The following DTNB variants were observed in gnomAD, a reference collection of about 807,000 sequenced individuals.
The protein encoded by DTNB is DTN-B.
A neutral mutation model predicts 90.7 loss-of-function variants in DTNB; 63 were observed. The observed-to-expected ratio is 0.69, with a 90% CI of 0.57 to 0.86. The LOEUF is 0.86. Ranked by LOEUF, DTNB falls within the 40% of genes least tolerant of loss-of-function variation. The pLI is 0.00. For synonymous variants in DTNB, 277 were observed against 286.7 expected, an observed-to-expected ratio of 0.97 and a Z score of 0.34; for missense variants, 744 against 807.1, an observed-to-expected ratio of 0.92 and a Z score of 0.95.
intron 4 of DTNB, among the ~76,000 whole-genome samples, chr2:25,619,165 G>A (rs751910228): frequency 5.3e-5 from 8 of 152,156 alleles, no homozygotes; most frequent in African/African-American, 1.2e-4. Flanking sequence ...ACAAGACTAC[G>A]GGTAGTATTT....
chr2:25,390,008 T>G (rs981397900), intron 16 of DTNB, among the ~76,000 whole-genome samples: 1 of 152,276 alleles, frequency 6.6e-6, no homozygotes, highest in South Asian at 2.1e-4. Context: ...GCAGAAAAAT[T>G]TGCAATATTT....
intron 11 of DTNB, among the ~76,000 whole-genome samples, chr2:25,452,900 C>T (rs2059488682): frequency 6.6e-6 from 1 of 151,952 alleles, no homozygotes; most frequent in South Asian, 2.1e-4. Flanking sequence ...GATGATCACC[C>T]TCTCAAAAAT....
At chr2:25,640,823 G>A (rs1454792413) in intron 2 of DTNB, among the ~76,000 whole-genome samples, 2 of 151,988 alleles carry the variant, frequency 1.3e-5, no homozygotes, top group Non-Finnish European at 2.9e-5. Flanking sequence ...TGACTAACAT[G>A]GTGAAACCCC....
At chr2:25,633,031 T>C (rs554719337) in intron 3 of DTNB, among the ~76,000 whole-genome samples, 1 of 152,310 alleles carries the variant, frequency 6.6e-6, no homozygotes, top group African/African-American at 2.4e-5. Context: ...AACAAAACTA[T>C]GTACATAGAA....
intron 4 of DTNB, among the ~76,000 whole-genome samples, chr2:25,627,736 CTTTTTTT>C (rs569673438): frequency 2.2e-5 from 3 of 136,094 alleles, no homozygotes; most frequent in African/African-American, 8.1e-5. Flanking sequence ...AATAATTTTC[CTTTTTTT>C]TTTTTTTTTT....
chr2:25,464,418 C>A (rs915447943), intron 10 of DTNB, among the ~76,000 whole-genome samples: 4 of 152,160 alleles, frequency 2.6e-5, no homozygotes, highest in African/African-American at 7.2e-5. Flanking sequence ...AGAGTTGGAA[C>A]AATTTGAGCA....
intron 9 of DTNB, among the ~76,000 whole-genome samples, chr2:25,505,853 A>G (rs1349739308): frequency 6.6e-6 from 1 of 152,250 alleles, no homozygotes; most frequent in Non-Finnish European, 1.5e-5. Context: ...GTTCTGAGTC[A>G]GCACACAGTT....
rs374371573 is a variant in DTNB at position 25,493,424 on chromosome 2, T to G, written c.1002-10551A>C. Among the ~76,000 whole-genome samples the G allele has an allele frequency of 1.7e-3, 254 of 152,302 alleles. 2 individuals carry two copies. Among genetic ancestry groups the G allele is most frequent in the African/African-American group, 5.7e-3 (238 of 41,570 alleles). On this transcript the variant is annotated intron_variant, in intron 9 of 20. Transcript: ENST00000406818. ...ATGATGCAGCAGATTTCACCATACTTTAAAACAAATGTAAAACCCACCCTA... is the reference window on the plus strand; with the variant it reads ...ATGATGCAGCAGATTTCACCATACTGTAAAACAAATGTAAAACCCACCCTA...
At position 25,577,785 on chromosome 2, in the gene DTNB, G is replaced by A. The variant is rs190174686; in HGVS notation, c.710-781C>T. On this transcript the variant is annotated intron_variant, in intron 7 of 20. Coordinates refer to ENST00000406818, the MANE Select transcript of DTNB (RefSeq NM_021907.5). ...TGGGAGGCCGAGGCGGGCAGATCAC[G>A]AGGTCAGGAGTTCGAGACCAGCCTG... is the stretch of plus-strand genomic sequence containing the variant. Among the ~76,000 whole-genome samples, 71 of 152,176 alleles carry A rather than the reference G, an allele frequency of 4.7e-4. No individual in the cohort carries two copies. In the East Asian group the frequency reaches 0.011, roughly 23 times the overall value.
chr2:25,601,998 T>C (rs1342908031), intron 5 of DTNB, among the ~76,000 whole-genome samples: 1 of 152,134 alleles, frequency 6.6e-6, no homozygotes, highest in Non-Finnish European at 1.5e-5. Flanking sequence ...GGCACACGCC[T>C]GTAGTCCCAG....
chr2:25,557,805 G>A (rs1474054768), intron 8 of DTNB, among the ~76,000 whole-genome samples: 1 of 152,204 alleles, frequency 6.6e-6, no homozygotes, highest in Admixed American at 6.5e-5. Flanking sequence ...TGATTCAGTT[G>A]CTGCTTCCTA....
chr2:25,398,664 C>T (rs956461434), intron 16 of DTNB, among the ~76,000 whole-genome samples: 2 of 152,176 alleles, frequency 1.3e-5, no homozygotes, highest in African/African-American at 4.8e-5. Context: ...GTGGGCCCAT[C>T]CACACTTGAC....
chr2:25,471,877 T>C (rs2062875758), intron 10 of DTNB, among the ~76,000 whole-genome samples: 1 of 151,774 alleles, frequency 6.6e-6, no homozygotes. Flanking sequence ...AAAATTCTAG[T>C]AATCGGTTAA....
chr2:25,609,024 G>C (rs2148527002), intron 4 of DTNB, among the ~76,000 whole-genome samples: 1 of 152,292 alleles, frequency 6.6e-6, no homozygotes, highest in Non-Finnish European at 1.5e-5. Context: ...AGCATCAGTG[G>C]TGTTTGGAGC....
At chr2:25,614,878 A>G (rs1559242271) in intron 4 of DTNB, among the ~76,000 whole-genome samples, 2 of 152,242 alleles carry the variant, frequency 1.3e-5, no homozygotes, top group South Asian at 2.1e-4. Flanking sequence ...TCTCCAGCAG[A>G]TAACAGCTGG....
chr2:25,462,457 A>G (rs995560266), intron 10 of DTNB, among the ~76,000 whole-genome samples: 1 of 152,134 alleles, frequency 6.6e-6, no homozygotes, highest in Non-Finnish European at 1.5e-5. Context: ...GAATACAGCA[A>G]TTGAGAGCAT....
At chr2:25,533,971 T>TA (rs200591467) in intron 8 of DTNB, among the ~76,000 whole-genome samples, 46 of 149,896 alleles carry the variant, frequency 3.1e-4, no homozygotes, top group African/African-American at 1.0e-3. Flanking sequence ...TTTATTTATT[T>TA]TTTGGAAATG....
chr2:25,524,858 C>G (rs185198626), intron 9 of DTNB, among the ~76,000 whole-genome samples: 198 of 152,284 alleles, frequency 1.3e-3, no homozygotes, highest in African/African-American at 4.4e-3. Flanking sequence ...ATGAGCTGAA[C>G]CACTGAGATC....
chr2:25,645,786 G>A (rs2079309631), intron 2 of DTNB, among the ~76,000 whole-genome samples: 1 of 151,904 alleles, frequency 6.6e-6, no homozygotes, highest in Non-Finnish European at 1.5e-5. Context: ...TCATTAAGGG[G>A]GTACCCTAAA....
Sources: gnomAD v4.1 joint callset for allele counts (sites outside exome capture counted in the v4.1 genomes callset) on GRCh38, gnomAD v4.1.1 for gene constraint, MANE v1.5 for transcripts, NCBI Gene and HGNC (gene_info 2026-07-23, HGNC 2026-07-21) for gene names.